Variants in DPP10 observed in about 807,000 individuals in gnomAD.
The protein encoded by DPP10 is inactive dipeptidyl peptidase 10.
DPP10 carries 33 observed loss-of-function variants against 120.9 expected under a neutral mutation model. That is an observed-to-expected ratio of 0.27 (90% CI 0.21 to 0.37). The LOEUF is 0.37. Ranked by LOEUF, DPP10 falls within the 10% of genes least tolerant of loss-of-function variation. The probability of loss-of-function intolerance (pLI) is 1.00; values close to 1 mark genes in which losing one functional copy is unlikely to be tolerated. For missense variants in DPP10, 816 were observed against 942.8 expected (o/e 0.87, Z 1.76); for synonymous variants, 337 against 326.1 (o/e 1.03, Z -0.36).
At position 114,730,747 on chromosome 2, in the gene DPP10, C is replaced by T. The variant is rs945633930; in HGVS notation, c.60+287909C>T. On this transcript the variant is annotated intron_variant, in intron 1 of 25. Coordinates refer to ENST00000410059, the MANE Select transcript of DPP10 (RefSeq NM_020868.6). Reference sequence around the variant, plus strand: ...TAGCTGGGACTACCGACATGCACCACCAGGCCTGGCTAATTTTTGTATTTT... The same window carrying T: ...TAGCTGGGACTACCGACATGCACCATCAGGCCTGGCTAATTTTTGTATTTT... Among the ~76,000 whole-genome samples the T allele has an allele frequency of 2.0e-5, 3 of 152,050 alleles. No homozygotes were observed. The South Asian group carries it at 6.2e-4, about 32-fold the overall frequency.
chr2:115,509,345 C>T (rs1164117485), intron 4 of DPP10, among the ~76,000 whole-genome samples: 2 of 151,882 alleles, frequency 1.3e-5, no homozygotes, highest in South Asian at 2.1e-4. Context: ...TTGGTGATGG[C>T]GGTTAGAATG....
At chr2:115,418,023 A>C (rs2069587929) in intron 3 of DPP10, among the ~76,000 whole-genome samples, 1 of 152,194 alleles carries the variant, frequency 6.6e-6, no homozygotes, top group Admixed American at 6.6e-5. Flanking sequence ...AATATATCTT[A>C]CAGAGCTAAG....
intron 1 of DPP10, among the ~76,000 whole-genome samples, chr2:115,295,782 T>C (rs2060858386): frequency 6.6e-6 from 1 of 152,046 alleles, no homozygotes. Context: ...TAGATTTCTG[T>C]ATGTAAAGAA....
intron 1 of DPP10, among the ~76,000 whole-genome samples, chr2:115,105,712 A>G (rs1417306862): frequency 6.6e-6 from 1 of 152,226 alleles, no homozygotes; most frequent in Non-Finnish European, 1.5e-5. Flanking sequence ...ATAATTAACT[A>G]GGCTCCAAGT....
chr2:115,785,106 C>A (rs1405789122), intron 17 of DPP10, among the ~76,000 whole-genome samples: 1 of 152,044 alleles, frequency 6.6e-6, no homozygotes, highest in African/African-American at 2.4e-5. Context: ...GTTCTGTTGC[C>A]CCATGGCTTC....
At chr2:114,933,639 A>T (rs1300661136) in intron 1 of DPP10, among the ~76,000 whole-genome samples, 2 of 152,218 alleles carry the variant, frequency 1.3e-5, no homozygotes, top group Non-Finnish European at 2.9e-5. Context: ...TGAAGGCAGA[A>T]AAGCAACAGC....
intron 3 of DPP10, among the ~76,000 whole-genome samples, chr2:115,484,551 A>G (rs4313982): frequency 0.28 from 42,354 of 151,920 alleles, 6,637 homozygotes; most frequent in East Asian, 0.41. Flanking sequence ...GAACCCTGGA[A>G]AATATAGTTT....
intron 1 of DPP10, among the ~76,000 whole-genome samples, chr2:114,717,471 G>A (rs1346701077): frequency 2.0e-5 from 3 of 152,054 alleles, no homozygotes; most frequent in African/African-American, 7.2e-5. Flanking sequence ...AAATGAAGAG[G>A]AAACCCTGAA....
chr2:115,503,562 G>C (rs920683193), intron 4 of DPP10, among the ~76,000 whole-genome samples: 1 of 152,066 alleles, frequency 6.6e-6, no homozygotes, highest in African/African-American at 2.4e-5. Context: ...AAATTCGATT[G>C]GCCACGTAGC....
At chr2:115,109,397 G>A (rs987195700) in intron 1 of DPP10, among the ~76,000 whole-genome samples, 5 of 152,042 alleles carry the variant, frequency 3.3e-5, no homozygotes, top group East Asian at 1.9e-4. Context: ...TTAGCTGGGC[G>A]TGGTGGCGGG....
chr2:114,801,117 G>C (rs1413630597), intron 1 of DPP10, among the ~76,000 whole-genome samples: 1 of 151,864 alleles, frequency 6.6e-6, no homozygotes, highest in Non-Finnish European at 1.5e-5. Flanking sequence ...CAAAAAATTA[G>C]CCGGGTGTGG....
chr2:115,372,059 T>G (rs925430451), intron 3 of DPP10, among the ~76,000 whole-genome samples: 2 of 152,154 alleles, frequency 1.3e-5, no homozygotes, highest in Non-Finnish European at 2.9e-5. Context: ...GTCTTAAAGT[T>G]TTCTTAAATA....
chr2:115,836,426 T>A, intron 22 of DPP10, 81 bp from the exon 23 acceptor site: 1 of 1,530,778 alleles, frequency 6.5e-7, no homozygotes. Flanking sequence ...GACAATTAAA[T>A]GTAAAATGAA....
intron 5 of DPP10, among the ~76,000 whole-genome samples, chr2:115,528,475 C>G (rs1451409850): frequency 6.6e-6 from 1 of 151,536 alleles, no homozygotes; most frequent in Admixed American, 6.6e-5. Context: ...ATACTACCAT[C>G]CGACCCAGCA....
intron 3 of DPP10, among the ~76,000 whole-genome samples, chr2:115,397,004 T>C (rs1427447519): frequency 6.6e-6 from 1 of 152,216 alleles, no homozygotes; most frequent in African/African-American, 2.4e-5. Context: ...TATTGATTTA[T>C]AATGGGTTAA....
At chr2:114,755,692 G>C (rs1679665483) in intron 1 of DPP10, among the ~76,000 whole-genome samples, 1 of 152,176 alleles carries the variant, frequency 6.6e-6, no homozygotes, top group Non-Finnish European at 1.5e-5. Context: ...GAATAAAGTG[G>C]AGCCAACTTT....
rs562439615 is a variant in DPP10 at position 115,543,724 on chromosome 2, G to A, written c.441+17752G>A. On this transcript the variant is annotated intron_variant, in intron 5 of 25. Coordinates refer to ENST00000410059, the MANE Select transcript of DPP10 (RefSeq NM_020868.6). ...GAAAAAAATTCATTTATCTGACATC[G>A]AAAAACACAAGTCATTGCTTTTGGT... 2.6e-5 allele frequency among the ~76,000 whole-genome samples: 4 copies of A among 151,754 alleles called. No homozygotes were observed. In the South Asian group the frequency reaches 6.2e-4, roughly 24 times the overall value.
At chr2:115,241,962 G>A (rs1462099413) in intron 1 of DPP10, among the ~76,000 whole-genome samples, 1 of 152,090 alleles carries the variant, frequency 6.6e-6, no homozygotes, top group Non-Finnish European at 1.5e-5. Context: ...CTTGGAAGTG[G>A]ACATGAATCA....
intron 1 of DPP10, among the ~76,000 whole-genome samples, chr2:114,790,602 TTATAGGATTTGGG>T (rs1469493590): frequency 6.6e-6 from 1 of 151,836 alleles, no homozygotes; most frequent in African/African-American, 2.4e-5. Flanking sequence ...TGGGGCCGTT[TTATAGGATTTGGG>T]TAGGTAAAGG....
Sources: allele counts gnomAD v4.1 joint callset (sites outside exome capture counted in the v4.1 genomes callset), GRCh38; gene constraint gnomAD v4.1.1; transcripts MANE v1.5; gene names NCBI Gene and HGNC (gene_info 2026-07-23, HGNC 2026-07-21).